SPOCK3: variants seen among roughly 807,000 people sequenced by gnomAD.
The protein encoded by SPOCK3 is SPARC (osteonectin), cwcv and kazal like domains proteoglycan 3.
In SPOCK3, 30 loss-of-function variants were observed where a neutral mutation model predicts 56.6. The observed-to-expected ratio is 0.53, with a 90% CI of 0.40 to 0.72. The LOEUF (loss-of-function observed/expected upper bound fraction) is 0.72. Ranked by LOEUF, SPOCK3 falls within the 30% of genes least tolerant of loss-of-function variation. The pLI is 0.00. For synonymous variants in SPOCK3, 196 were observed against 183.3 expected (o/e 1.07, Z -0.56); for missense variants, 527 against 530.0 (o/e 0.99, Z 0.06).
chr4:167,075,717 C>G (rs1002347072), intron 2 of SPOCK3, among the ~76,000 whole-genome samples: 3 of 152,050 alleles, frequency 2.0e-5, no homozygotes, highest in African/African-American at 7.2e-5. Flanking sequence ...CCACAGCTCC[C>G]TGCAACCTTG....
intron 4 of SPOCK3, among the ~76,000 whole-genome samples, chr4:166,925,491 C>T (rs796573624): frequency 1.3e-5 from 2 of 152,012 alleles, no homozygotes; most frequent in African/African-American, 4.8e-5. Flanking sequence ...TGTGTGATAC[C>T]ATTGAAATTT....
chr4:167,098,662 GTT>G (rs201169786), intron 2 of SPOCK3, among the ~76,000 whole-genome samples: 78 of 149,930 alleles, frequency 5.2e-4, no homozygotes, highest in African/African-American at 1.8e-3. Flanking sequence ...TTCCAACCTT[GTT>G]TTTTTTTCTG....
chr4:166,946,351 G>T (rs1006021821), intron 4 of SPOCK3, among the ~76,000 whole-genome samples: 2 of 152,142 alleles, frequency 1.3e-5, no homozygotes, highest in African/African-American at 4.8e-5. Flanking sequence ...TACATAATCA[G>T]ACTCTTATTT....
chr4:167,108,917 C>T (rs778426596), intron 2 of SPOCK3, among the ~76,000 whole-genome samples: 24 of 126,712 alleles, frequency 1.9e-4, no homozygotes, highest in Non-Finnish European at 2.7e-4. Flanking sequence ...TCTCATATAC[C>T]GCACAAATAT....
intron 2 of SPOCK3, among the ~76,000 whole-genome samples, chr4:167,152,637 A>G (rs1289126970): frequency 4.6e-5 from 7 of 152,182 alleles, no homozygotes. Flanking sequence ...ACTTAAATAG[A>G]AGTAAAATGT....
intron 2 of SPOCK3, among the ~76,000 whole-genome samples, chr4:167,169,008 T>G (rs1580500505): frequency 2.0e-5 from 3 of 152,050 alleles, no homozygotes; most frequent in Non-Finnish European, 4.4e-5. Context: ...TTCCATGAGG[T>G]GTTGAGCCTG....
At chr4:166,933,982 C>A (rs1332095749) in intron 4 of SPOCK3, among the ~76,000 whole-genome samples, 1 of 151,888 alleles carries the variant, frequency 6.6e-6, no homozygotes, top group African/African-American at 2.4e-5. Context: ...TATCTGTGAC[C>A]CAGGAGTGTT....
chr4:166,834,006 T>C (rs1746356635), intron 6 of SPOCK3, among the ~76,000 whole-genome samples: 1 of 152,222 alleles, frequency 6.6e-6, no homozygotes, highest in East Asian at 1.9e-4. Flanking sequence ...CGGTTTCCAA[T>C]ATCTTACTCA....
intron 8 of SPOCK3, among the ~76,000 whole-genome samples, chr4:166,743,768 T>C (rs1260297832): frequency 6.6e-6 from 1 of 152,300 alleles, no homozygotes; most frequent in East Asian, 1.9e-4. Flanking sequence ...TATTGCACTT[T>C]TACAACGGTC....
At chr4:166,741,005 A>C (rs1267544494) in intron 9 of SPOCK3, among the ~76,000 whole-genome samples, 1 of 152,240 alleles carries the variant, frequency 6.6e-6, no homozygotes, top group Non-Finnish European at 1.5e-5. Context: ...TTTGCAAGTA[A>C]TGTGAAAAAT....
At chr4:166,963,376 A>G (rs1344610878) in intron 4 of SPOCK3, among the ~76,000 whole-genome samples, 3 of 152,046 alleles carry the variant, frequency 2.0e-5, no homozygotes, top group Admixed American at 2.0e-4. Flanking sequence ...TAACCTCAAA[A>G]GAATGACACA....
At chr4:167,033,697 T>A (rs1476937404) in intron 3 of SPOCK3, among the ~76,000 whole-genome samples, 2 of 151,906 alleles carry the variant, frequency 1.3e-5, no homozygotes, top group Non-Finnish European at 2.9e-5. Context: ...GCTCAGGGAA[T>A]CTTCCTTGCC....
At chr4:166,865,252 C>G (rs1293484678) in intron 6 of SPOCK3, among the ~76,000 whole-genome samples, 3 of 152,124 alleles carry the variant, frequency 2.0e-5, no homozygotes, top group Non-Finnish European at 2.9e-5. Flanking sequence ...TAAAAACTCT[C>G]AATAAACCAG....
intron 3 of SPOCK3, among the ~76,000 whole-genome samples, chr4:167,061,107 C>CT (rs560425178): frequency 6.6e-5 from 10 of 151,758 alleles, no homozygotes; most frequent in South Asian, 6.2e-4. Flanking sequence ...AAATAGCATT[C>CT]TTTTTTTTAT....
At chr4:166,828,755 A>C (rs961291675) in intron 6 of SPOCK3, among the ~76,000 whole-genome samples, 2 of 152,050 alleles carry the variant, frequency 1.3e-5, no homozygotes, top group Non-Finnish European at 2.9e-5. Context: ...AGAATATAGG[A>C]TATCACATAC....
intron 10 of SPOCK3, among the ~76,000 whole-genome samples, chr4:166,735,344 T>C (rs1257984563): frequency 6.6e-6 from 1 of 152,070 alleles, no homozygotes; most frequent in East Asian, 1.9e-4. Flanking sequence ...TCCAGTAATA[T>C]TGATCTCATC....
rs374126172 is a variant in SPOCK3, at chr4:166,970,133, G to A, written c.350+30216C>T. Among the ~76,000 whole-genome samples, 15 of 152,294 alleles carry A rather than the reference G, an allele frequency of 9.8e-5. No homozygotes were observed. The South Asian group carries it at 1.0e-3, about 11-fold the overall frequency. The stretch of plus-strand genomic sequence containing the variant: ...AACTTTAATTATCAGAGGTAAAGTA[G>A]CTGTAGTCTGAGTATGCTGACTCCC... On this transcript the variant is annotated intron_variant, in intron 4 of 10. Transcript: ENST00000357545.
chr4:166,735,988 T>C (rs1734180991), intron 10 of SPOCK3, among the ~76,000 whole-genome samples: 1 of 152,102 alleles, frequency 6.6e-6, no homozygotes, highest in Admixed American at 6.6e-5. Flanking sequence ...GCACTCACTG[T>C]GTATTGACTT....
chr4:166,917,804 A>T (rs1738032784), intron 4 of SPOCK3, among the ~76,000 whole-genome samples: 1 of 152,110 alleles, frequency 6.6e-6, no homozygotes, highest in African/African-American at 2.4e-5. Flanking sequence ...GAGTCAATTA[A>T]ACCTCTTTCC....
Sources: allele counts gnomAD v4.1 joint callset (sites outside exome capture counted in the v4.1 genomes callset), GRCh38; gene constraint gnomAD v4.1.1; transcripts MANE v1.5; gene names NCBI Gene and HGNC (gene_info 2026-07-23, HGNC 2026-07-21).